Variants in HGF observed in about 807,000 individuals in gnomAD.
HGF encodes hepatocyte growth factor.
In HGF, 39 loss-of-function variants were observed where a neutral mutation model predicts 111.6. The observed-to-expected ratio is 0.35, with a 90% confidence interval of 0.27 to 0.46. The LOEUF is 0.46. Ranked by LOEUF, HGF falls within the 20% of genes least tolerant of loss-of-function variation. The pLI is 1.00. For synonymous variants in HGF, 285 were observed against 294.8 expected, an observed-to-expected ratio of 0.97 and a Z score of 0.34; for missense variants, 735 against 910.5, an observed-to-expected ratio of 0.81 and a Z score of 2.48.
chr7:81,724,257 T>G (rs1033121872), intron 9 of HGF, among the ~76,000 whole-genome samples: 7 of 152,186 alleles, frequency 4.6e-5, no homozygotes, highest in Non-Finnish European at 8.8e-5. Context: ...ACAGTGAAAT[T>G]GACTGAAAAG....
In HGF at chr7:81,770,011, T is replaced by A. The variant is rs28719812; in HGVS notation, c.-40A>T. Reference sequence around the variant, plus strand: ...GGCTGGCGGATCCCTCTGGAGGAGATGCCTGGGTGAAAGAATCCTGTTCGG... The same window carrying A: ...GGCTGGCGGATCCCTCTGGAGGAGAAGCCTGGGTGAAAGAATCCTGTTCGG... On this transcript the variant is annotated 5_prime_UTR_variant, in exon 1 of 18. Coordinates refer to ENST00000222390, the MANE Select transcript of HGF (RefSeq NM_000601.6). 650 of 1,446,132 alleles carry A rather than the reference T, an allele frequency of 4.5e-4. 1 individual carries two copies. In the African/African-American group the frequency reaches 7.8e-3, roughly 17 times the overall value. 89.6% of individuals were successfully genotyped at this position (1,446,132 alleles called of 1,614,324 possible). A position where few individuals can be genotyped will look rare whatever the true frequency, so the allele number is the denominator to read the frequency against.
intron 7 of HGF, 143 bp from the exon 8 acceptor site, chr7:81,729,922 G>T: frequency 1.5e-6 from 1 of 650,472 alleles, no homozygotes; most frequent in Non-Finnish European, 2.6e-6. Context: ...AGTGGAATAA[G>T]AAATTTAACT....
chr7:81,762,117 C>T (rs756014500), intron 2 of HGF, among the ~76,000 whole-genome samples: 15 of 152,140 alleles, frequency 9.9e-5, no homozygotes, highest in Non-Finnish European at 1.6e-4. Flanking sequence ...CAGGGACTGT[C>T]AAAAGACATG....
At chr7:81,730,494 C>T (rs960260184) in intron 7 of HGF, among the ~76,000 whole-genome samples, 2 of 152,034 alleles carry the variant, frequency 1.3e-5, no homozygotes, top group Non-Finnish European at 1.5e-5. Context: ...TCTAAGCTAA[C>T]ATGTTAAATA....
At position 81,743,385 on chromosome 7, in the gene HGF, G is replaced by A. The variant is rs1189209285; in HGVS notation, c.833C>T (p.Thr278Ile). The change falls in exon 7 of 18, where the codon ACC (threonine) becomes ATC (isoleucine). Residue 278 changes from threonine to isoleucine, a missense_variant. Around this residue, in one of 3 missense-constraint regions of HGF, gnomAD observed 553 missense variants for 685.6 expected, o/e 0.81. Transcript: ENST00000222390. ...TTTAATTGCACAGTACTCCCAGCGG[G>A]TGTGAGGGTCAAGAGTATAGCACCA... Reference protein sequence around the residue: ...RPWCYTLDPHTRWEYCAIKTC... With the variant: ...RPWCYTLDPHIRWEYCAIKTC... 1.2e-6 allele frequency: 2 copies of A among 1,611,366 alleles called. No homozygotes were observed. Among genetic ancestry groups the A allele is most frequent in the South Asian group, 1.1e-5 (1 of 91,032 alleles).
chr7:81,723,340 CA>C (rs1171093144), intron 9 of HGF, among the ~76,000 whole-genome samples: 1 of 151,928 alleles, frequency 6.6e-6, no homozygotes, highest in Admixed American at 6.6e-5. Flanking sequence ...TTTAAATATT[CA>C]AAAACTAATA....
In HGF at chr7:81,762,825, C is replaced by A; in HGVS notation, c.136G>T (p.Ala46Ser). 1 of 1,596,918 alleles carries A rather than the reference C, an allele frequency of 6.3e-7. No individual in the cohort carries two copies. Among genetic ancestry groups the A allele is most frequent in the Non-Finnish European group, 8.6e-7 (1 of 1,164,712 alleles). Residue 46 changes from alanine to serine, a missense_variant, in exon 2 of 18, where the codon GCA becomes TCA. By Grantham distance (99) the Ala-to-Ser change is moderately conservative. This residue lies in a region of HGF where 553 missense variants were observed against 685.6 expected (regional missense o/e 0.81). Coordinates refer to ENST00000222390, the MANE Select transcript of HGF (RefSeq NM_000601.6). ...RNTIHEFKKSAKTTLIKIDPA... is the reference protein window; with the variant it reads ...RNTIHEFKKSSKTTLIKIDPA... ...TCTATTTTGATTAGGGTAGTCTTTG[C>A]TGATTTTTTGAATTCATGAATTGTA... is the stretch of plus-strand genomic sequence containing the variant.
At chr7:81,752,536 G>A (rs138359091) in intron 4 of HGF, among the ~76,000 whole-genome samples, 2 of 152,160 alleles carry the variant, frequency 1.3e-5, no homozygotes, top group East Asian at 3.9e-4. Flanking sequence ...GAACTGAATC[G>A]AAGTTGTCTG....
chr7:81,742,175 G>A (rs1788034646), intron 7 of HGF, among the ~76,000 whole-genome samples: 1 of 152,146 alleles, frequency 6.6e-6, no homozygotes, highest in African/African-American at 2.4e-5. Flanking sequence ...GGAACACAGT[G>A]TTTTACTCTG....
intron 11 of HGF, among the ~76,000 whole-genome samples, chr7:81,713,997 TG>T (rs1562875373): frequency 7.4e-6 from 1 of 135,442 alleles, no homozygotes; most frequent in African/African-American, 2.9e-5. Flanking sequence ...TGCGTGTGTG[TG>T]TGTGTGTGTG....
At chr7:81,757,800 T>C (rs1788854454) in intron 3 of HGF, among the ~76,000 whole-genome samples, 1 of 152,064 alleles carries the variant, frequency 6.6e-6, no homozygotes, top group African/African-American at 2.4e-5. Context: ...TTTCCACTGC[T>C]GATAGGACAA....
chr7:81,710,885 G>T (rs1562873729), intron 12 of HGF, among the ~76,000 whole-genome samples: 1 of 152,084 alleles, frequency 6.6e-6, no homozygotes, highest in Non-Finnish European at 1.5e-5. Flanking sequence ...ATATCCATTT[G>T]CTTCCTGAGC....
At position 81,701,767 on chromosome 7, in the gene HGF, G is replaced by C. The variant is rs559655621; in HGVS notation, c.*814C>G. On this transcript the variant is annotated 3_prime_UTR_variant, in exon 18 of 18. Coordinates refer to ENST00000222390, the MANE Select transcript of HGF (RefSeq NM_000601.6). ...GAAATAACTAGGATAATGAATACAT[G>C]TAAACACCTAGATTAGGTGTTATTT... The C allele has an allele frequency of 3.3e-5, 5 of 151,716 alleles. No individual in the cohort carries two copies. Among genetic ancestry groups the C allele is most frequent in the Non-Finnish European group, 5.9e-5 (4 of 67,674 alleles). 9.4% of individuals were successfully genotyped at this position (151,716 alleles called of 1,614,324 possible). A position where few individuals can be genotyped will look rare whatever the true frequency, so the allele number is the denominator to read the frequency against.
At chr7:81,704,804 A>G (rs115130081) in intron 17 of HGF, among the ~76,000 whole-genome samples, 3 of 151,936 alleles carry the variant, frequency 2.0e-5, no homozygotes, top group African/African-American at 4.8e-5. Context: ...CAGCTTGTCT[A>G]TGTAAAATAG....
chr7:81,707,180 C>T, intron 14 of HGF, 110 bp downstream of exon 14: 1 of 694,200 alleles, frequency 1.4e-6, no homozygotes, highest in Non-Finnish European at 2.6e-6. Flanking sequence ...ATTTGTTCAC[C>T]CCATTTGTGA....
In HGF at chr7:81,728,541, C is replaced by T. The variant is rs555594971; in HGVS notation, c.1040+1064G>A. 2.6e-5 allele frequency among the ~76,000 whole-genome samples: 4 copies of T among 152,218 alleles called. No individual in the cohort carries two copies. In the South Asian group the frequency reaches 6.2e-4, roughly 24 times the overall value. On this transcript the variant is annotated intron_variant, in intron 8 of 17. Transcript: ENST00000222390. ...ATATGTATTTCTCAGGTGTGAAACC[C>T]ATGGGTCACGAATAGAGAGTGAATT...
chr7:81,720,637 T>G (rs1392903472), intron 10 of HGF, 108 bp downstream of exon 10: 2 of 719,628 alleles, frequency 2.8e-6, no homozygotes, highest in African/African-American at 3.5e-5. Flanking sequence ...TTTTATTAGC[T>G]TACCATGATA....
intron 7 of HGF, among the ~76,000 whole-genome samples, chr7:81,735,218 T>G (rs1330882095): frequency 6.6e-6 from 1 of 152,114 alleles, no homozygotes; most frequent in Non-Finnish European, 1.5e-5. Flanking sequence ...GCATGTTTGC[T>G]TTCCATGTGA....
In HGF at chr7:81,702,424, G is replaced by T; in HGVS notation, c.*157C>A. ...AATAACACTGACAAACAAAACAACA[G>T]AAAACACCCATAAACATTAATGAGA... On this transcript the variant is annotated 3_prime_UTR_variant, in exon 18 of 18. Coordinates refer to ENST00000222390, the MANE Select transcript of HGF (RefSeq NM_000601.6). 1 of 631,552 alleles carries T rather than the reference G, an allele frequency of 1.6e-6. No individual in the cohort carries two copies. Among genetic ancestry groups the T allele is most frequent in the Non-Finnish European group, 2.8e-6 (1 of 358,946 alleles). The allele number at this position is 631,552 out of a possible 1,614,324, so 39.1% of individuals were successfully genotyped here.
Sources: allele counts gnomAD v4.1 joint callset (sites outside exome capture counted in the v4.1 genomes callset), GRCh38; gene constraint gnomAD v4.1.1; regional missense constraint gnomAD v4.1.1; transcripts MANE v1.5; gene names NCBI Gene and HGNC (gene_info 2026-07-23, HGNC 2026-07-21).